The following TSHZ2 variants were observed in gnomAD, a reference collection of about 807,000 sequenced individuals.
TSHZ2 encodes the protein teashirt zinc finger homeobox 2, also known as teashirt homolog 2.
Under a neutral mutation model 74.4 loss-of-function variants are expected in TSHZ2, and 21 were observed. That is an observed-to-expected ratio of 0.28 (90% CI 0.20 to 0.41). The LOEUF (loss-of-function observed/expected upper bound fraction) is 0.41. TSHZ2 is among the 10% of genes least tolerant of loss of function. TSHZ2 has a pLI of 1.00. For missense variants in TSHZ2, 1,244 were observed against 1,293.5 expected (o/e 0.96, Z 0.59); for synonymous variants, 540 against 515.3 (o/e 1.05, Z -0.65).
intron 2 of TSHZ2, among the ~76,000 whole-genome samples, chr20:53,341,282 C>T (rs147125565): frequency 2.8e-4 from 42 of 152,238 alleles, no homozygotes; most frequent in African/African-American, 9.4e-4. Context: ...CACCAGGGAA[C>T]GAATACAACA....
At chr20:53,458,167 C>T (rs6097423) in intron 2 of TSHZ2, among the ~76,000 whole-genome samples, 48 of 149,492 alleles carry the variant, frequency 3.2e-4, no homozygotes, top group African/African-American at 5.7e-4. Context: ...TGGTAGAATT[C>T]GGCTGTGAAT....
Position 53,393,534 on chromosome 20 carries a change from A to T in TSHZ2, c.*9-93610A>T, listed in dbSNP as rs992991855. Among the ~76,000 whole-genome samples, 5 of 152,228 alleles carry T rather than the reference A, an allele frequency of 3.3e-5. No homozygotes were observed. In the East Asian group the frequency reaches 9.6e-4, roughly 29 times the overall value. ...AAACAGCCAGCAGAGTGTTTGTAAC[A>T]TAGTAGGTACCAAACACATTGTACC... On this transcript the variant is annotated intron_variant, in intron 2 of 2. Coordinates refer to ENST00000371497, the MANE Select transcript of TSHZ2 (RefSeq NM_173485.6).
rs530011000 is a variant in TSHZ2 at position 53,083,832 on chromosome 20, A to G, written c.40+110499A>G. On this transcript the variant is annotated intron_variant, in intron 1 of 2. Coordinates refer to ENST00000371497, the MANE Select transcript of TSHZ2 (RefSeq NM_173485.6). ...TTTGCATTGATAACTTGAAGAGGGA[A>G]TGTCTATTTTTTTTATAAGTTTTCT... 9.3e-5 allele frequency among the ~76,000 whole-genome samples: 14 copies of G among 149,758 alleles called. No homozygotes were observed. The South Asian group carries it at 1.0e-3, about 11-fold the overall frequency.
At chr20:53,068,045 G>C (rs1036929381) in intron 1 of TSHZ2, among the ~76,000 whole-genome samples, 1 of 152,078 alleles carries the variant, frequency 6.6e-6, no homozygotes, top group Non-Finnish European at 1.5e-5. Flanking sequence ...TTGTCAGGTG[G>C]CATCCCCTCT....
intron 1 of TSHZ2, among the ~76,000 whole-genome samples, chr20:53,133,969 G>GGAAAAA (rs561152326): frequency 2.3e-4 from 29 of 127,922 alleles, no homozygotes; most frequent in African/African-American, 8.1e-4. Flanking sequence ...CATTTTTTCT[G>GGAAAAA]AAAAAAAAAA....
chr20:53,225,236 A>C (rs1044776222), intron 1 of TSHZ2, among the ~76,000 whole-genome samples: 1 of 152,102 alleles, frequency 6.6e-6, no homozygotes, highest in East Asian at 1.9e-4. Context: ...AGGCAGACCC[A>C]CTCTTCTTTC....
intron 2 of TSHZ2, among the ~76,000 whole-genome samples, chr20:53,312,514 G>A (rs1357798944): frequency 6.6e-6 from 1 of 152,204 alleles, no homozygotes; most frequent in African/African-American, 2.4e-5. Flanking sequence ...GGCAGGTAAT[G>A]TATATGAGAA....
chr20:53,324,195 G>A (rs1478542752), intron 2 of TSHZ2, among the ~76,000 whole-genome samples: 1 of 152,050 alleles, frequency 6.6e-6, no homozygotes, highest in African/African-American at 2.4e-5. Flanking sequence ...GGATGCTCGG[G>A]TCCTAAGATA....
At chr20:53,390,160 G>C (rs1211563258) in intron 2 of TSHZ2, among the ~76,000 whole-genome samples, 1 of 152,138 alleles carries the variant, frequency 6.6e-6, no homozygotes, top group Non-Finnish European at 1.5e-5. Flanking sequence ...CTTGTAATCA[G>C]TATAAAATGA....
At chr20:53,142,457 A>G (rs1987426103) in intron 1 of TSHZ2, among the ~76,000 whole-genome samples, 1 of 152,212 alleles carries the variant, frequency 6.6e-6, no homozygotes. Flanking sequence ...CACTGTGGTC[A>G]GAGGTAGGCT....
At chr20:53,339,098 G>A (rs989290416) in intron 2 of TSHZ2, among the ~76,000 whole-genome samples, 1 of 152,172 alleles carries the variant, frequency 6.6e-6, no homozygotes, top group Non-Finnish European at 1.5e-5. Flanking sequence ...TGTCACACCT[G>A]TAACAGTTAA....
At chr20:53,149,295 T>C (rs1016957849) in intron 1 of TSHZ2, among the ~76,000 whole-genome samples, 2 of 152,056 alleles carry the variant, frequency 1.3e-5, no homozygotes, top group African/African-American at 4.8e-5. Context: ...CACTGGGGCT[T>C]GCGGAAGCTG....
At chr20:53,325,597 A>G (rs1395832210) in intron 2 of TSHZ2, among the ~76,000 whole-genome samples, 1 of 152,102 alleles carries the variant, frequency 6.6e-6, no homozygotes, top group Non-Finnish European at 1.5e-5. Flanking sequence ...ACTGCCTTCT[A>G]GAAGCTCTCC....
At chr20:53,343,178 G>A (rs186874510) in intron 2 of TSHZ2, among the ~76,000 whole-genome samples, 3 of 151,676 alleles carry the variant, frequency 2.0e-5, no homozygotes, top group African/African-American at 7.3e-5. Flanking sequence ...TCCTGGCCAG[G>A]TTGGTCTTGA....
intron 2 of TSHZ2, among the ~76,000 whole-genome samples, chr20:53,359,561 C>T (rs1056549318): frequency 6.6e-6 from 1 of 152,174 alleles, no homozygotes; most frequent in African/African-American, 2.4e-5. Flanking sequence ...ACTAGTTTGG[C>T]GCCAACATTC....
intron 2 of TSHZ2, among the ~76,000 whole-genome samples, chr20:53,462,728 A>G (rs1409058897): frequency 6.6e-6 from 1 of 152,222 alleles, no homozygotes; most frequent in African/African-American, 2.4e-5. Flanking sequence ...TTTGAGAAAG[A>G]AAGCCTGGTT....
intron 1 of TSHZ2, among the ~76,000 whole-genome samples, chr20:53,125,686 T>C (rs576496835): frequency 1.1e-4 from 16 of 152,142 alleles, no homozygotes; most frequent in African/African-American, 3.9e-4. Context: ...GAATAAAATA[T>C]ATAAAAGATT....
chr20:53,142,911 G>A (rs979575282), intron 1 of TSHZ2, among the ~76,000 whole-genome samples: 4 of 152,048 alleles, frequency 2.6e-5, no homozygotes, highest in African/African-American at 9.7e-5. Context: ...CAAAAATAGC[G>A]TGTTTTTTGC....
intron 1 of TSHZ2, among the ~76,000 whole-genome samples, chr20:53,226,858 G>A (rs73272843): frequency 0.17 from 26,313 of 151,958 alleles, 2,703 homozygotes; most frequent in Non-Finnish European, 0.23. Context: ...AAATCCCCCC[G>A]TTGAGATCTA....
Sources: gnomAD v4.1 joint callset for allele counts (sites outside exome capture counted in the v4.1 genomes callset) on GRCh38, gnomAD v4.1.1 for gene constraint, MANE v1.5 for transcripts, NCBI Gene and HGNC (gene_info 2026-07-23, HGNC 2026-07-21) for gene names.